Variants in NPAS3 observed in about 807,000 individuals in gnomAD.
The protein encoded by NPAS3 is neuronal PAS domain protein 3, also known as neuronal PAS domain-containing protein 3.
Under a neutral mutation model 73.1 loss-of-function variants are expected in NPAS3, and 14 were observed. The ratio of observed to expected loss-of-function variants is 0.19; its 90% CI spans 0.13 to 0.30. The LOEUF is 0.30. Among genes scored for constraint, NPAS3 ranks in the 10% least tolerant of loss-of-function variants. The pLI, the probability that NPAS3 is intolerant of heterozygous loss-of-function variation, is 1.00. For missense variants in NPAS3, 1,096 were observed against 1,250.0 expected, an observed-to-expected ratio of 0.88 and a Z score of 1.86; for synonymous variants, 620 against 541.5, an observed-to-expected ratio of 1.14 and a Z score of -2.01.
chr14:33,365,571 G>T (rs1037716008), intron 3 of NPAS3, among the ~76,000 whole-genome samples: 6 of 152,144 alleles, frequency 3.9e-5, no homozygotes, highest in Non-Finnish European at 8.8e-5. Context: ...CTGGAGTAGA[G>T]ATCTCTAAGA....
chr14:33,073,577 A>G (rs2041557910), intron 2 of NPAS3, among the ~76,000 whole-genome samples: 1 of 152,174 alleles, frequency 6.6e-6, no homozygotes, highest in Admixed American at 6.5e-5. Flanking sequence ...CTCTTCTTGG[A>G]AAGTTGGAAC....
intron 4 of NPAS3, among the ~76,000 whole-genome samples, chr14:33,529,429 A>AGGGGCCGGGCGCGGT: frequency 6.6e-6 from 1 of 152,086 alleles, no homozygotes; most frequent in African/African-American, 2.4e-5. Context: ...GAAGCTTTGC[A>AGGGGCCGGGCGCGGT]GGCTAGTCTG....
intron 4 of NPAS3, among the ~76,000 whole-genome samples, chr14:33,438,074 T>A (rs1293474209): frequency 6.6e-6 from 1 of 152,172 alleles, no homozygotes; most frequent in African/African-American, 2.4e-5. Context: ...GAAAATAATA[T>A]ATGTATGTCA....
chr14:33,147,730 A>AAAATATATATATATATAT (rs372663411), intron 2 of NPAS3, among the ~76,000 whole-genome samples: 29 of 130,380 alleles, frequency 2.2e-4, no homozygotes, highest in African/African-American at 8.7e-4. Context: ...TAGAATAAAA[A>AAAATATATATATATATAT]ATATATATAT....
chr14:33,442,735 A>G (rs2049311563), intron 4 of NPAS3, among the ~76,000 whole-genome samples: 1 of 152,236 alleles, frequency 6.6e-6, no homozygotes, highest in African/African-American at 2.4e-5. Context: ...AGTCAATTAA[A>G]CATCTTTATT....
Position 33,681,251 on chromosome 14 carries a change from T to C in NPAS3, c.733+4866T>C, listed in dbSNP as rs2059929769. On this transcript the variant is annotated intron_variant, in intron 6 of 11. Coordinates refer to ENST00000356141, the Ensembl canonical transcript of NPAS3. ...ACGGCTTGGATATGACATATACTTG[T>C]ACTTCTATGGGTGAATTATTTACCA... Among the ~76,000 whole-genome samples the C allele has an allele frequency of 2.0e-5, 3 of 152,244 alleles. No homozygotes were observed. The South Asian group carries it at 6.2e-4, about 31-fold the overall frequency.
At chr14:33,309,788 G>A (rs757586020) in intron 3 of NPAS3, among the ~76,000 whole-genome samples, 22 of 152,240 alleles carry the variant, frequency 1.4e-4, no homozygotes, top group Non-Finnish European at 2.9e-4. Context: ...GATTAACATG[G>A]TGACAATTAT....
At chr14:32,963,655 C>A (rs572715691) in intron 1 of NPAS3, among the ~76,000 whole-genome samples, 1 of 152,172 alleles carries the variant, frequency 6.6e-6, no homozygotes, top group East Asian at 1.9e-4. Flanking sequence ...GTGCCATGAT[C>A]GACTTTGAAG....
chr14:33,215,145 T>C (rs2047173558), intron 2 of NPAS3, 37 bp from the exon 3 acceptor site: 1 of 1,600,458 alleles, frequency 6.2e-7, no homozygotes, highest in Non-Finnish European at 8.5e-7. Flanking sequence ...CAGAGTCACA[T>C]ATTCTAAACC....
chr14:33,006,952 C>T (rs1326534663), intron 1 of NPAS3, among the ~76,000 whole-genome samples: 1 of 152,110 alleles, frequency 6.6e-6, no homozygotes, highest in Non-Finnish European at 1.5e-5. Context: ...GTGGTAGAAT[C>T]TATTAGTAAT....
intron 5 of NPAS3, among the ~76,000 whole-genome samples, chr14:33,576,842 A>G (rs1232436284): frequency 6.6e-6 from 1 of 152,224 alleles, no homozygotes; most frequent in African/African-American, 2.4e-5. Flanking sequence ...TTATACAAAT[A>G]AAGAGCAGAG....
At chr14:33,519,148 C>T (rs950217419) in intron 4 of NPAS3, among the ~76,000 whole-genome samples, 1 of 152,102 alleles carries the variant, frequency 6.6e-6, no homozygotes, top group Non-Finnish European at 1.5e-5. Context: ...TTTCTAGTTA[C>T]TCAGCTCTCT....
intron 7 of NPAS3, among the ~76,000 whole-genome samples, chr14:33,736,365 C>T (rs2061523479): frequency 6.6e-6 from 1 of 152,134 alleles, no homozygotes; most frequent in African/African-American, 2.4e-5. Context: ...GCAGATCCTT[C>T]CAAGAAAGAC....
At chr14:33,010,938 C>CAAAAAAA (rs77196350) in intron 1 of NPAS3, among the ~76,000 whole-genome samples, 13 of 120,052 alleles carry the variant, frequency 1.1e-4, no homozygotes, top group Middle Eastern at 4.0e-3. Flanking sequence ...GAACCTGTCT[C>CAAAAAAA]AAAAAAAAAA....
intron 9 of NPAS3, among the ~76,000 whole-genome samples, chr14:33,793,251 C>T (rs996841803): frequency 6.6e-6 from 1 of 152,228 alleles, no homozygotes; most frequent in Non-Finnish European, 1.5e-5. Context: ...AATTCTGTGC[C>T]TCCCTTAGGC....
intron 4 of NPAS3, among the ~76,000 whole-genome samples, chr14:33,380,151 T>C (rs2046483585): frequency 6.6e-6 from 1 of 152,144 alleles, no homozygotes; most frequent in South Asian, 2.1e-4. Flanking sequence ...TTCTGACTCT[T>C]GTCTCTTGAA....
At chr14:33,595,239 G>A (rs919169409) in intron 5 of NPAS3, among the ~76,000 whole-genome samples, 1 of 151,902 alleles carries the variant, frequency 6.6e-6, no homozygotes, top group Admixed American at 6.6e-5. Context: ...TGCCTCATTT[G>A]CTGTAAAATC....
At chr14:33,494,622 A>C (rs1015621543) in intron 4 of NPAS3, among the ~76,000 whole-genome samples, 3 of 152,104 alleles carry the variant, frequency 2.0e-5, no homozygotes, top group African/African-American at 7.2e-5. Flanking sequence ...AAGAGATGTA[A>C]AGTTTCAAAG....
chr14:32,977,725 G>C (rs1427788545), intron 1 of NPAS3, among the ~76,000 whole-genome samples: 1 of 152,126 alleles, frequency 6.6e-6, no homozygotes, highest in Non-Finnish European at 1.5e-5. Context: ...GCAAGACACT[G>C]TCTCTAAGTA....
Sources: allele counts gnomAD v4.1 joint callset (sites outside exome capture counted in the v4.1 genomes callset), GRCh38; gene constraint gnomAD v4.1.1; transcripts MANE v1.5; gene names NCBI Gene and HGNC (gene_info 2026-07-23, HGNC 2026-07-21).